Variants in ARL17A observed in about 807,000 individuals in gnomAD.
The protein encoded by ARL17A is ARF like GTPase 17A, also known as ADP-ribosylation factor-like 17-like.
At chr17:46,558,811 C>T (rs2057438753) in intron 3 of ARL17A, 2 of 132,688 alleles carry the variant, frequency 1.5e-5, no homozygotes, top group East Asian at 4.9e-4. Context: ...ATATCAATCT[C>T]CCAGAAAAAG....
At chr17:46,521,643 A>G (rs1177614763) in intron 3 of ARL17A, among the ~76,000 whole-genome samples, 1 of 71,678 alleles carries the variant, frequency 1.4e-5, no homozygotes, top group Non-Finnish European at 3.4e-5. Context: ...AGAGGAAAAA[A>G]TGCCTTCAAT....
intron 4 of ARL17A, among the ~76,000 whole-genome samples, chr17:46,532,147 CT>C (rs1243515512): frequency 6.7e-6 from 1 of 149,606 alleles, no homozygotes; most frequent in Non-Finnish European, 1.5e-5. Context: ...GATCCACCTG[CT>C]TCAGCCTCCC....
chr17:46,502,844 T>G, the ARL17A span, among the ~76,000 whole-genome samples: 1 of 150,858 alleles, frequency 6.6e-6, no homozygotes. Flanking sequence ...TTCTGAAGTT[T>G]CCTAGATGTT....
intron 4 of ARL17A, among the ~76,000 whole-genome samples, chr17:46,533,274 G>A (rs2053988541): frequency 1.1e-5 from 1 of 94,382 alleles, no homozygotes; most frequent in Non-Finnish European, 1.9e-5. Context: ...TTAGTTAGCC[G>A]AGTGTGGTGG....
At chr17:46,502,072 C>T in the ARL17A span, among the ~76,000 whole-genome samples, 2 of 151,296 alleles carry the variant, frequency 1.3e-5, no homozygotes, top group African/African-American at 2.5e-5. Context: ...AGTTACTTGG[C>T]ATCATTTTGT....
chr17:46,558,342 G>A (rs1460987568), intron 3 of ARL17A, among the ~76,000 whole-genome samples: 2 of 109,962 alleles, frequency 1.8e-5, no homozygotes, highest in South Asian at 2.8e-4. Context: ...TTACAGGTGC[G>A]AGCTACCGCG....
At position 46,521,073 on chromosome 17, in the gene ARL17A, T is replaced by C. The variant is rs1373992461; in HGVS notation, c.260-3840A>G. On this transcript the variant is annotated intron_variant, in intron 3 of 4. Transcript: ENST00000445552. ...CTGGTAGAGCTAGAAATGTTTACAC[T>C]AAGAAGCACATCAGAAATGCCCCTA... Among the ~76,000 whole-genome samples, 3 of 79,402 alleles carry C rather than the reference T, an allele frequency of 3.8e-5. 1 individual carries two copies. The highest frequency in any genetic ancestry group is 1.1e-4 in the African/African-American group (3 of 26,962). 52.1% of individuals were successfully genotyped at this position (79,402 alleles called of 152,430 possible).
intron 4 of ARL17A, among the ~76,000 whole-genome samples, chr17:46,536,874 C>G (rs868412869): frequency 0.18 from 1,699 of 9,612 alleles, no homozygotes; most frequent in Admixed American, 0.28. Flanking sequence ...TTTGAAGGAG[C>G]TCCAGCTCCA....
the ARL17A span, among the ~76,000 whole-genome samples, chr17:46,501,843 T>G: frequency 2.6e-5 from 4 of 151,280 alleles, 1 homozygote; most frequent in African/African-American, 7.4e-5. Context: ...GAATTAACCT[T>G]GATCAAATCT....
At chr17:46,558,836 C>CTTTTTTTT (rs765462293) in intron 3 of ARL17A, 30 of 71,770 alleles carry the variant, frequency 4.2e-4, no homozygotes, top group African/African-American at 7.9e-4. Flanking sequence ...CTCTTTTATT[C>CTTTTTTTT]TTTTTTTTTT....
downstream of ARL17A, among the ~76,000 whole-genome samples, chr17:46,526,207 TAAAC>T (rs2052740765): frequency 9.1e-6 from 1 of 109,982 alleles, no homozygotes; most frequent in Non-Finnish European, 2.0e-5. Context: ...ATCTTCCTGG[TAAAC>T]AAAGCTACAC....
In ARL17A at chr17:46,543,184, A is replaced by C. The variant is rs1976642; in HGVS notation, c.260-4758T>G. On this transcript the variant is annotated intron_variant, in intron 3 of 4. Transcript: ENST00000329240. ...CAAGGCCATAAAGACATTGAACTAA[A>C]TGTCTTATGGGAGTTCATTATTGGA... Among the ~76,000 whole-genome samples, 380 of 149,894 alleles carry C rather than the reference A, an allele frequency of 2.5e-3. 12 individuals are homozygous for C. The highest frequency in any genetic ancestry group is 8.8e-3 in the African/African-American group (347 of 39,298).
At chr17:46,547,131 A>T in intron 3 of ARL17A, 1 of 41,318 alleles carries the variant, frequency 2.4e-5, no homozygotes, top group South Asian at 1.2e-3. Flanking sequence ...GGTTACATAA[A>T]GTCAGTGTTG....
At chr17:46,501,385 G>A in the ARL17A span, among the ~76,000 whole-genome samples, 1 of 151,136 alleles carries the variant, frequency 6.6e-6, no homozygotes, top group Non-Finnish European at 1.5e-5. Context: ...ATGTTGGCCA[G>A]ACTGGTCTTG....
chr17:46,504,865 GATTT>G, the ARL17A span, among the ~76,000 whole-genome samples: 1 of 122,352 alleles, frequency 8.2e-6, no homozygotes, highest in Non-Finnish European at 1.6e-5. Flanking sequence ...TTAATACATT[GATTT>G]ATTAATTAAT....
chr17:46,568,555 G>A (rs2057583702), intron 3 of ARL17A, among the ~76,000 whole-genome samples: 1 of 102,834 alleles, frequency 9.7e-6, no homozygotes, highest in South Asian at 3.0e-4. Flanking sequence ...TATGGTCTCA[G>A]CACTTTGGGA....
chr17:46,535,149 C>G (rs1004058176), intron 4 of ARL17A, among the ~76,000 whole-genome samples: 3 of 148,912 alleles, frequency 2.0e-5, no homozygotes, highest in Non-Finnish European at 4.4e-5. Context: ...GAGCCTCAAG[C>G]CTCCCAAGGT....
At chr17:46,502,453 C>A in the ARL17A span, among the ~76,000 whole-genome samples, 1 of 150,902 alleles carries the variant, frequency 6.6e-6, no homozygotes, top group African/African-American at 2.5e-5. Flanking sequence ...AGGTACCCAC[C>A]ACCACGCCCT....
At chr17:46,525,596 TA>T (rs1405748888), downstream of ARL17A, among the ~76,000 whole-genome samples, 1 of 70,942 alleles carries the variant, frequency 1.4e-5, no homozygotes, top group Non-Finnish European at 2.9e-5. Context: ...CAAATAATAA[TA>T]ATAATATAAT....
Sources: allele counts gnomAD v4.1 joint callset (sites outside exome capture counted in the v4.1 genomes callset), GRCh38; gene constraint gnomAD v4.1.1; transcripts MANE v1.5; gene names NCBI Gene and HGNC (gene_info 2026-07-23, HGNC 2026-07-21).